Variants in TPRG1 observed in about 807,000 individuals in gnomAD.
TPRG1 encodes tumor protein p63 regulated 1, also known as tumor protein p63-regulated gene 1 protein.
A neutral mutation model predicts 29.3 loss-of-function variants in TPRG1; 29 were observed. The ratio of observed to expected loss-of-function variants is 0.99; its 90% confidence interval spans 0.74 to 1.35. The LOEUF (loss-of-function observed/expected upper bound fraction) is 1.35. Ranked by LOEUF, TPRG1 falls within the 40% of genes most tolerant of loss-of-function variation. The probability of loss-of-function intolerance (pLI) is 0.00; values close to 1 mark genes in which losing one functional copy is unlikely to be tolerated. For missense variants in TPRG1, 327 were observed against 335.0 expected (o/e 0.98, Z 0.19); for synonymous variants, 130 against 116.8 (o/e 1.11, Z -0.73).
intron 5 of TPRG1, among the ~76,000 whole-genome samples, 200 bp downstream of exon 5, chr3:189,310,739 A>T (rs573862596): frequency 6.6e-6 from 1 of 152,316 alleles, no homozygotes; most frequent in South Asian, 2.1e-4. Flanking sequence ...AACTGTTTTT[A>T]TATGTAAATA....
intron 1 of TPRG1, among the ~76,000 whole-genome samples, chr3:189,198,273 T>C (rs1732881876): frequency 6.6e-6 from 1 of 152,146 alleles, no homozygotes; most frequent in Non-Finnish European, 1.5e-5. Context: ...ATTCCACACC[T>C]CTAACTTCCC....
At chr3:189,072,891 C>G (rs1168513462) in intron 4 of TPRG1, among the ~76,000 whole-genome samples, 2 of 152,140 alleles carry the variant, frequency 1.3e-5, no homozygotes, top group Non-Finnish European at 2.9e-5. Flanking sequence ...TTTCCTTACT[C>G]ACATCGTCCC....
intron 1 of TPRG1, among the ~76,000 whole-genome samples, chr3:189,119,708 G>A (rs768337792): frequency 5.9e-5 from 9 of 152,136 alleles, no homozygotes; most frequent in Non-Finnish European, 8.8e-5. Flanking sequence ...CTCTCCTGCC[G>A]CCATGTGAAG....
intron 4 of TPRG1, among the ~76,000 whole-genome samples, chr3:189,309,505 C>A (rs1319893859): frequency 6.6e-6 from 1 of 152,142 alleles, no homozygotes; most frequent in Admixed American, 6.6e-5. Flanking sequence ...GAATGCAGGG[C>A]ACCTGAGTTT....
rs561536116 is a variant in TPRG1, at chr3:189,125,039, G to A, written c.-743-2018G>A. Among the ~76,000 whole-genome samples, 18 of 152,070 alleles carry A rather than the reference G, an allele frequency of 1.2e-4. 1 individual carries two copies. The highest frequency in any genetic ancestry group is 5.9e-4 in the Admixed American group (9 of 15,274). ...TAGGTAATCTTTTAGGTCTCTCTTC[G>A]CTCTGAATGTTTGCTTTTACTTCTT... is the stretch of plus-strand genomic sequence containing the variant. On this transcript the variant is annotated intron_variant, in intron 1 of 6. Transcript: ENST00000412373.
chr3:189,037,535 A>T (rs2152132702), intron 4 of TPRG1, among the ~76,000 whole-genome samples: 1 of 152,086 alleles, frequency 6.6e-6, no homozygotes, highest in East Asian at 1.9e-4. Flanking sequence ...AGTATTTTTT[A>T]AAGAAGAAAC....
At chr3:189,250,051 A>C (rs1213932445) in intron 4 of TPRG1, among the ~76,000 whole-genome samples, 3 of 152,088 alleles carry the variant, frequency 2.0e-5, no homozygotes, top group Admixed American at 2.0e-4. Flanking sequence ...AAGAAACTCT[A>C]ATTTTTCATG....
chr3:189,161,289 A>G (rs1453450605), intron 5 of TPRG1, among the ~76,000 whole-genome samples: 2 of 152,194 alleles, frequency 1.3e-5, no homozygotes, highest in African/African-American at 2.4e-5. Flanking sequence ...GCAGTACATC[A>G]TGGAAAGGAG....
intron 4 of TPRG1, among the ~76,000 whole-genome samples, chr3:189,047,094 C>T (rs1033711313): frequency 4.6e-5 from 7 of 151,900 alleles, no homozygotes; most frequent in Non-Finnish European, 7.4e-5. Flanking sequence ...GTAGATGGAG[C>T]GAAGGATGCT....
At chr3:189,073,526 A>C (rs1224164122) in intron 4 of TPRG1, among the ~76,000 whole-genome samples, 1 of 152,120 alleles carries the variant, frequency 6.6e-6, no homozygotes, top group East Asian at 1.9e-4. Context: ...AGTGTGCTTA[A>C]ATTTATCTAA....
chr3:189,125,385 C>T (rs1722333354), intron 1 of TPRG1, among the ~76,000 whole-genome samples: 2 of 152,186 alleles, frequency 1.3e-5, no homozygotes, highest in African/African-American at 2.4e-5. Flanking sequence ...AGAAATTACA[C>T]AGTGAATTTA....
Position 189,129,389 on chromosome 3 carries a change from G to C in TPRG1, c.-590+2179G>C, listed in dbSNP as rs575556980. 2.6e-5 allele frequency among the ~76,000 whole-genome samples: 4 copies of C among 152,212 alleles called. No individual in the cohort carries two copies. In the South Asian group the frequency reaches 8.3e-4, roughly 32 times the overall value. On this transcript the variant is annotated intron_variant, in intron 2 of 6. Transcript: ENST00000412373. ...GCGTCCTTCTCAGGCTGTGATACCA[G>C]GTATATTATGTTGATATATATTATT...
intron 4 of TPRG1, among the ~76,000 whole-genome samples, chr3:189,037,580 A>G (rs1015318950): frequency 1.3e-5 from 2 of 151,870 alleles, no homozygotes; most frequent in South Asian, 4.1e-4. Flanking sequence ...AGAAAACATT[A>G]TGTCGCCACT....
intron 3 of TPRG1, among the ~76,000 whole-genome samples, chr3:189,222,494 C>T (rs1002769722): frequency 8.5e-5 from 13 of 152,268 alleles, no homozygotes; most frequent in South Asian, 8.3e-4. Context: ...CCCTGGTACT[C>T]AAAGTGTAGT....
intron 2 of TPRG1, among the ~76,000 whole-genome samples, chr3:189,002,765 G>A (rs926207005): frequency 5.9e-5 from 9 of 152,102 alleles, no homozygotes; most frequent in Admixed American, 3.9e-4. Context: ...TACAATAGAG[G>A]ACTTGTGGAC....
intron 4 of TPRG1, among the ~76,000 whole-genome samples, chr3:189,065,682 CA>C (rs1424336528): frequency 1.3e-5 from 2 of 151,852 alleles, no homozygotes; most frequent in African/African-American, 2.4e-5. Flanking sequence ...TGAACATCTA[CA>C]AAAAAACTGT....
At position 189,173,114 on chromosome 3, in the gene TPRG1, T is replaced by G. The variant is rs1037191042; in HGVS notation, c.-10+983T>G. Among the ~76,000 whole-genome samples the G allele has an allele frequency of 2.0e-5, 3 of 152,278 alleles. No homozygotes were observed. The East Asian group carries it at 5.8e-4, about 29-fold the overall frequency. On this transcript the variant is annotated intron_variant, in intron 1 of 5. Transcript: ENST00000345063. Reference sequence around the variant, plus strand: ...TAGTTTACTTTTTAAGATGCTAATTTTAGCTATCATTTTTCTTTTCATGCT... The same window carrying G: ...TAGTTTACTTTTTAAGATGCTAATTGTAGCTATCATTTTTCTTTTCATGCT...
intron 5 of TPRG1, among the ~76,000 whole-genome samples, chr3:189,151,963 T>G (rs565904141): frequency 3.3e-4 from 50 of 152,202 alleles, no homozygotes; most frequent in African/African-American, 1.2e-3. Context: ...TGTGAAATAG[T>G]CCTCTCTGTC....
intron 4 of TPRG1, among the ~76,000 whole-genome samples, chr3:189,244,792 G>T (rs965443924): frequency 6.6e-6 from 1 of 152,102 alleles, no homozygotes; most frequent in Non-Finnish European, 1.5e-5. Flanking sequence ...AGTGATCTGT[G>T]TCTTCCCTCT....
Sources: gnomAD v4.1 joint callset for allele counts (sites outside exome capture counted in the v4.1 genomes callset) on GRCh38, gnomAD v4.1.1 for gene constraint, MANE v1.5 for transcripts, NCBI Gene and HGNC (gene_info 2026-07-23, HGNC 2026-07-21) for gene names.